MAD1L1: variants seen among roughly 807,000 people sequenced by gnomAD.
MAD1L1 encodes mitotic arrest deficient 1 like 1.
In MAD1L1, 95 loss-of-function variants were observed where a neutral mutation model predicts 96.9. The observed-to-expected ratio is 0.98, with a 90% CI of 0.83 to 1.16. MAD1L1 has a LOEUF of 1.16. MAD1L1 is among the 50% of genes most tolerant of loss of function. MAD1L1 has a pLI of 0.00. For missense variants in MAD1L1, 1,007 were observed against 954.4 expected (o/e 1.06, Z -0.73); for synonymous variants, 473 against 396.6 (o/e 1.19, Z -2.29).
chr7:2,051,744 C>T (rs1784186146), intron 12 of MAD1L1, among the ~76,000 whole-genome samples: 1 of 127,820 alleles, frequency 7.8e-6, no homozygotes, highest in Non-Finnish European at 1.7e-5. Context: ...ACCTTGCTTT[C>T]CACCCCCCAC....
rs1786023205 is a variant in MAD1L1, at chr7:2,088,177, C to T, written c.1074-18839G>A. ...ACGTGCATGGCCACAGAACAGTGGA[C>T]GAGGTCGGGCAGCAAAGCGACCTTG... is the stretch of plus-strand genomic sequence containing the variant. On this transcript the variant is annotated intron_variant, in intron 11 of 18. Transcript: ENST00000265854. The surrounding 1 kb of genome is among the most constrained non-coding windows in gnomAD (Gnocchi z 4.4). Among the ~76,000 whole-genome samples the T allele has an allele frequency of 6.6e-6, 1 of 152,196 alleles. No individual in the cohort carries two copies. Among genetic ancestry groups the T allele is most frequent in the East Asian group, 1.9e-4 (1 of 5,192 alleles).
At chr7:1,958,450 C>G (rs55696955) in intron 15 of MAD1L1, among the ~76,000 whole-genome samples, 2 of 152,150 alleles carry the variant, frequency 1.3e-5, no homozygotes, top group African/African-American at 2.4e-5. Context: ...AAAGATTACT[C>G]GACACCGCAC....
chr7:2,020,477 G>A (rs562824288), intron 12 of MAD1L1, among the ~76,000 whole-genome samples: 3 of 152,342 alleles, frequency 2.0e-5, no homozygotes, highest in East Asian at 1.9e-4. Context: ...CTGTGAGACC[G>A]AGCCGCAGGG....
chr7:1,887,892 T>C (rs1249468851), intron 18 of MAD1L1, among the ~76,000 whole-genome samples: 2 of 152,058 alleles, frequency 1.3e-5, no homozygotes, highest in African/African-American at 2.4e-5. Flanking sequence ...TGTGTGTGGC[T>C]GCCTGTGCAT....
intron 12 of MAD1L1, among the ~76,000 whole-genome samples, chr7:2,054,587 T>A (rs769506647): frequency 3.9e-5 from 6 of 152,170 alleles, no homozygotes; most frequent in African/African-American, 9.7e-5. Flanking sequence ...ATGGATGTAA[T>A]AGAAATGTCA....
chr7:2,084,213 G>A (rs1401095649), intron 11 of MAD1L1, among the ~76,000 whole-genome samples: 1 of 152,224 alleles, frequency 6.6e-6, no homozygotes. Context: ...CTGCGTATGT[G>A]TAGAAAAATA....
intron 17 of MAD1L1, among the ~76,000 whole-genome samples, chr7:1,908,837 T>A (rs1000104223): frequency 6.6e-6 from 1 of 152,128 alleles, no homozygotes; most frequent in Non-Finnish European, 1.5e-5. Context: ...TGCATTTCTC[T>A]CATGACCCCC....
intron 13 of MAD1L1, among the ~76,000 whole-genome samples, chr7:2,003,952 G>A (rs1052072062): frequency 3.3e-5 from 5 of 152,202 alleles, no homozygotes; most frequent in Non-Finnish European, 5.9e-5. Context: ...GCAGATGGAA[G>A]AGGGACATCC....
intron 16 of MAD1L1, among the ~76,000 whole-genome samples, chr7:1,938,812 C>T (rs548388277): frequency 2.6e-4 from 39 of 148,208 alleles, no homozygotes; most frequent in African/African-American, 9.5e-4. Context: ...GGCGCACACA[C>T]ACACACGGGC....
chr7:1,941,269 G>C (rs1415108290), intron 16 of MAD1L1, among the ~76,000 whole-genome samples: 1 of 152,180 alleles, frequency 6.6e-6, no homozygotes, highest in Non-Finnish European at 1.5e-5. Flanking sequence ...GCAGGAACGA[G>C]AGCCAGAGGC....
intron 11 of MAD1L1, among the ~76,000 whole-genome samples, chr7:2,094,351 A>G (rs749759913): frequency 1.3e-5 from 2 of 152,228 alleles, no homozygotes; most frequent in Non-Finnish European, 2.9e-5. Context: ...CTCTCGACAG[A>G]GGATGCCCGA....
intron 18 of MAD1L1, among the ~76,000 whole-genome samples, chr7:1,855,576 C>G (rs1254775361): frequency 6.6e-6 from 1 of 152,066 alleles, no homozygotes; most frequent in Non-Finnish European, 1.5e-5. Flanking sequence ...CCACCCGAGG[C>G]GGGTCTCCCC....
intron 18 of MAD1L1, among the ~76,000 whole-genome samples, chr7:1,827,087 G>A (rs1194243832): frequency 3.3e-5 from 5 of 152,216 alleles, no homozygotes; most frequent in South Asian, 2.1e-4. Flanking sequence ...GCGCCGGCTC[G>A]GGGTGGGGCG....
chr7:2,120,795 G>A (rs530802873), intron 11 of MAD1L1, among the ~76,000 whole-genome samples: 148 of 152,330 alleles, frequency 9.7e-4, no homozygotes, highest in African/African-American at 3.2e-3. Flanking sequence ...AGCCCCCATG[G>A]GAGGAACTCG....
intron 12 of MAD1L1, among the ~76,000 whole-genome samples, chr7:2,060,148 AAGATACGCCGAAGCCG>A (rs1213192263): frequency 1.4e-5 from 2 of 147,182 alleles, no homozygotes; most frequent in Non-Finnish European, 3.0e-5. Flanking sequence ...CGCAGATGCC[AAGATACGCCGAAGCCG>A]AGATACGCCG....
chr7:1,816,474 A>T (rs1781811891), intron 18 of MAD1L1, among the ~76,000 whole-genome samples: 1 of 152,164 alleles, frequency 6.6e-6, no homozygotes, highest in Admixed American at 6.5e-5. Flanking sequence ...GGTCCCAGGC[A>T]CTGTGGGGTG....
intron 18 of MAD1L1, among the ~76,000 whole-genome samples, chr7:1,827,278 A>G (rs1782443829): frequency 6.6e-6 from 1 of 152,216 alleles, no homozygotes; most frequent in African/African-American, 2.4e-5. Context: ...CACAGAACAC[A>G]ATGAAGGTTA....
At position 2,185,464 on chromosome 7, in the gene MAD1L1, T is replaced by C. The variant is rs77449742; in HGVS notation, c.986+27748A>G. On this transcript the variant is annotated intron_variant, in intron 10 of 18. Transcript: ENST00000265854. ...CATTTTCAATACTCACTCAATTATA[T>C]ACATAAGATCTGTCCATTTCACTGT... Among the ~76,000 whole-genome samples, 1,367 of 152,264 alleles carry C rather than the reference T, an allele frequency of 9.0e-3. 21 individuals are homozygous for C. Among genetic ancestry groups the C allele is most frequent in the African/African-American group, 0.031 (1,280 of 41,544 alleles).
chr7:2,057,453 G>A (rs1784428796), intron 12 of MAD1L1, among the ~76,000 whole-genome samples: 1 of 152,168 alleles, frequency 6.6e-6, no homozygotes, highest in African/African-American at 2.4e-5. Context: ...GGCAGAGGTT[G>A]CAGTGAGCCA....
Sources: gnomAD v4.1 joint callset for allele counts (sites outside exome capture counted in the v4.1 genomes callset) on GRCh38, gnomAD v4.1.1 for gene constraint, Gnocchi (gnomAD v3.1) non-coding constraint, MANE v1.5 for transcripts, NCBI Gene and HGNC (gene_info 2026-07-23, HGNC 2026-07-21) for gene names.